SAMD5: variants seen among roughly 807,000 people sequenced by gnomAD.
SAMD5 encodes the protein sterile alpha motif domain containing 5.
Under a neutral mutation model 11.3 loss-of-function variants are expected in SAMD5, and 13 were observed. The observed-to-expected ratio is 1.15, with a 90% confidence interval of 0.75 to 1.83. The LOEUF (loss-of-function observed/expected upper bound fraction) is 1.83, where lower values mean the gene tolerates loss of function less well. Among genes scored for constraint, SAMD5 ranks in the 40% most tolerant of loss-of-function variants. The pLI is 0.00. For synonymous variants in SAMD5, 129 were observed against 111.3 expected (o/e 1.16, Z -1.00); for missense variants, 255 against 239.1 (o/e 1.07, Z -0.44).
At chr6:147,894,416 C>G in the SAMD5 span, among the ~76,000 whole-genome samples, 1 of 152,130 alleles carries the variant, frequency 6.6e-6, no homozygotes, top group African/African-American at 2.4e-5. Flanking sequence ...GCCACCACAT[C>G]CAGCCTAATG....
chr6:147,824,136 G>A, the SAMD5 span, among the ~76,000 whole-genome samples: 1 of 152,194 alleles, frequency 6.6e-6, no homozygotes, highest in Non-Finnish European at 1.5e-5. Flanking sequence ...GTACTTGGAA[G>A]TCTTTAGCAA....
the SAMD5 span, among the ~76,000 whole-genome samples, chr6:147,778,668 G>A: frequency 2.0e-5 from 3 of 152,064 alleles, no homozygotes; most frequent in African/African-American, 7.2e-5. Context: ...GTTACCTGCA[G>A]AAGGACAACC....
the SAMD5 span, among the ~76,000 whole-genome samples, chr6:147,759,811 C>T: frequency 6.6e-6 from 1 of 152,040 alleles, no homozygotes; most frequent in African/African-American, 2.4e-5. Flanking sequence ...TGTGGTCTTT[C>T]TTTAAGACCA....
chr6:147,915,926 G>A, the SAMD5 span, among the ~76,000 whole-genome samples: 1 of 114,292 alleles, frequency 8.7e-6, no homozygotes, highest in South Asian at 2.7e-4. Flanking sequence ...AACAGGCCCC[G>A]GTGTGTGATG....
chr6:147,886,299 C>T, the SAMD5 span, among the ~76,000 whole-genome samples: 3 of 152,078 alleles, frequency 2.0e-5, no homozygotes, highest in Admixed American at 6.6e-5. Context: ...AAAAGAGCAA[C>T]GCAAACCCAA....
chr6:147,653,673 A>C (rs748234656), intron 1 of SAMD5, among the ~76,000 whole-genome samples: 3 of 152,230 alleles, frequency 2.0e-5, no homozygotes, highest in African/African-American at 4.8e-5. Context: ...TCAAATATGC[A>C]CAGAGCCTAT....
the SAMD5 span, among the ~76,000 whole-genome samples, chr6:147,833,765 T>C: frequency 6.6e-6 from 1 of 152,234 alleles, no homozygotes; most frequent in East Asian, 1.9e-4. Flanking sequence ...TCAGTTCCAT[T>C]CTTACAAATA....
chr6:147,743,517 A>G, the SAMD5 span, among the ~76,000 whole-genome samples: 3 of 151,834 alleles, frequency 2.0e-5, no homozygotes, highest in African/African-American at 2.4e-5. Context: ...AAAAAAAAAA[A>G]GTTGTAACTA....
At chr6:147,669,503 C>T (rs1461587967) in intron 1 of SAMD5, among the ~76,000 whole-genome samples, 1 of 144,974 alleles carries the variant, frequency 6.9e-6, no homozygotes, top group African/African-American at 2.5e-5. Flanking sequence ...TCTCGGCTCA[C>T]TGCAACCTCT....
chr6:147,827,114 G>A, the SAMD5 span, among the ~76,000 whole-genome samples: 1 of 152,184 alleles, frequency 6.6e-6, no homozygotes, highest in Non-Finnish European at 1.5e-5. Flanking sequence ...ATTAGAACAA[G>A]TAAATGCTTT....
the SAMD5 span, among the ~76,000 whole-genome samples, chr6:147,905,326 C>T: frequency 2.5e-3 from 381 of 152,190 alleles, 7 homozygotes; most frequent in South Asian, 0.013. Context: ...GGATTACAGG[C>T]GTGTGCCACC....
At chr6:147,892,539 C>T in the SAMD5 span, among the ~76,000 whole-genome samples, 12 of 152,294 alleles carry the variant, frequency 7.9e-5, 1 homozygote, top group African/African-American at 2.9e-4. Context: ...CTAAGTGTTA[C>T]ATCTCTACTT....
chr6:147,740,600 C>G (rs1412239857), downstream of SAMD5, among the ~76,000 whole-genome samples: 1 of 152,178 alleles, frequency 6.6e-6, no homozygotes, highest in Non-Finnish European at 1.5e-5. Flanking sequence ...ACAGGCCTAA[C>G]CTTGCCATAC....
At chr6:147,673,464 C>T (rs749386186) in intron 1 of SAMD5, among the ~76,000 whole-genome samples, 9 of 152,110 alleles carry the variant, frequency 5.9e-5, no homozygotes, top group Non-Finnish European at 8.8e-5. Flanking sequence ...CCGTCTGCCT[C>T]GGCCTCCTGA....
At chr6:147,642,409 G>C (rs933697464) in intron 1 of SAMD5, among the ~76,000 whole-genome samples, 2 of 152,108 alleles carry the variant, frequency 1.3e-5, no homozygotes, top group African/African-American at 2.4e-5. Context: ...AGAGTTGTAT[G>C]AGATGATCCC....
the SAMD5 span, among the ~76,000 whole-genome samples, chr6:147,751,374 G>A: frequency 2.0e-5 from 3 of 152,050 alleles, no homozygotes; most frequent in East Asian, 3.9e-4. Flanking sequence ...CGTAAGCAAC[G>A]GAAGTGTAGG....
At chr6:147,746,077 C>T in the SAMD5 span, among the ~76,000 whole-genome samples, 1 of 152,268 alleles carries the variant, frequency 6.6e-6, no homozygotes, top group South Asian at 2.1e-4. Context: ...TTCATTTCGC[C>T]TGTAAAAATT....
In SAMD5 at chr6:147,541,968, C is replaced by A. The variant is rs187670118; in HGVS notation, c.460-22426C>A. 1.4e-3 allele frequency among the ~76,000 whole-genome samples: 220 copies of A among 152,182 alleles called. 1 individual carries two copies. Among genetic ancestry groups the A allele is most frequent in the African/African-American group, 5.2e-3 (217 of 41,526 alleles). The stretch of plus-strand genomic sequence containing the variant: ...ACACCCTGCAGTGAGGCTACAAACA[C>A]CCCACCATAGGGCTACAGAACCAGT... On this transcript the variant is annotated intron_variant, in intron 1 of 1. Coordinates refer to ENST00000367474, the MANE Select transcript of SAMD5 (RefSeq NM_001030060.3).
At chr6:147,888,058 T>G in the SAMD5 span, among the ~76,000 whole-genome samples, 1 of 152,228 alleles carries the variant, frequency 6.6e-6, no homozygotes, top group East Asian at 1.9e-4. Context: ...TGAAACTCCT[T>G]TATTCAACAT....
Sources: gnomAD v4.1 joint callset for allele counts (sites outside exome capture counted in the v4.1 genomes callset) on GRCh38, gnomAD v4.1.1 for gene constraint, MANE v1.5 for transcripts, NCBI Gene and HGNC (gene_info 2026-07-23, HGNC 2026-07-21) for gene names.